The following NRXN3 variants were observed in gnomAD, a reference collection of about 807,000 sequenced individuals.
The protein encoded by NRXN3 is neurexin III.
A neutral mutation model predicts 137.6 loss-of-function variants in NRXN3; 32 were observed. The ratio of observed to expected loss-of-function variants is 0.23; its 90% CI spans 0.18 to 0.31. The LOEUF (loss-of-function observed/expected upper bound fraction) is 0.31. Ranked by LOEUF, NRXN3 falls within the 10% of genes least tolerant of loss-of-function variation. The probability of loss-of-function intolerance (pLI) is 1.00; values close to 1 mark genes in which losing one functional copy is unlikely to be tolerated. For missense variants in NRXN3, 1,574 were observed against 2,062.5 expected (o/e 0.76, Z 4.59); for synonymous variants, 798 against 784.5 (o/e 1.02, Z -0.29).
At chr14:78,526,051 T>A (rs1366403370) in intron 4 of NRXN3, among the ~76,000 whole-genome samples, 2 of 152,176 alleles carry the variant, frequency 1.3e-5, no homozygotes, top group Non-Finnish European at 2.9e-5. Context: ...CACATGATTG[T>A]GGGTCTAGTG....
Position 78,243,248 on chromosome 14 carries a change from G to A in NRXN3, c.155G>A (p.Ser52Asn). 1 of 1,557,080 alleles carries A rather than the reference G, an allele frequency of 6.4e-7. No homozygotes were observed. The highest frequency in any genetic ancestry group is 8.6e-7 in the Non-Finnish European group (1 of 1,158,988). Residue 52 changes from serine to asparagine, a missense_variant, in exon 2 of 21, where the codon AGT becomes AAT. Physicochemically the swap from Ser to Asn is conservative, Grantham distance 46. Coordinates refer to ENST00000335750, the MANE Select transcript of NRXN3 (RefSeq NM_001330195.2). This position sits in a 1 kb window ranked among gnomAD's most constrained non-coding sequence, Gnocchi z 4.2. ...GATGCCAGCACACGCAGTGACCTGA[G>A]TTTCCAGTTCAAGACCAACGTCTCT... Reference protein sequence around the residue: ...RWDASTRSDLSFQFKTNVSTG... With the variant: ...RWDASTRSDLNFQFKTNVSTG...
intron 4 of NRXN3, among the ~76,000 whole-genome samples, chr14:78,492,970 A>T (rs1390669792): frequency 6.6e-6 from 1 of 152,160 alleles, no homozygotes; most frequent in African/African-American, 2.4e-5. Flanking sequence ...TTACATTTTT[A>T]ACCCTCTGAT....
At position 78,709,479 on chromosome 14, in the gene NRXN3, A is replaced by G; in HGVS notation, c.1484A>G (p.Lys495Arg). Residue 495 changes from lysine to arginine, a missense_variant, in exon 7 of 21, where the codon AAG (lysine) becomes AGG (arginine). Transcript: ENST00000335750. ...ACTCATGGAAAGCCCCAAGAGAGGA[A>G]GGATGCTCGGAGCCAGAAGAATACA... is the stretch of plus-strand genomic sequence containing the variant. ...LFTHGKPQER[K>R]DARSQKNTKV... is the part of the protein sequence containing the mutation. The G allele has an allele frequency of 6.2e-7, 1 of 1,614,168 alleles. No individual in the cohort carries two copies. Among genetic ancestry groups the G allele is most frequent in the Non-Finnish European group, 8.5e-7 (1 of 1,180,022 alleles).
intron 20 of NRXN3, among the ~76,000 whole-genome samples, chr14:79,845,688 C>G (rs865958353): frequency 1.7e-3 from 111 of 64,802 alleles, no homozygotes; most frequent in African/African-American, 9.9e-3. Context: ...GGGAGAGAGA[C>G]GGAGACGGGG....
At position 79,367,382 on chromosome 14, in the gene NRXN3, A is replaced by G. The variant is rs566911848; in HGVS notation, c.3263-99839A>G. ...TGGCAGGCTGAAGCTTATGTAGCAC[A>G]TATTTGACCTTCACATTTTATTAAG... On this transcript the variant is annotated intron_variant, in intron 15 of 20. Coordinates refer to ENST00000335750, the MANE Select transcript of NRXN3 (RefSeq NM_001330195.2). Among the ~76,000 whole-genome samples the G allele has an allele frequency of 1.7e-4, 26 of 152,356 alleles. No individual in the cohort carries two copies. The East Asian group carries it at 4.8e-3, about 28-fold the overall frequency.
intron 15 of NRXN3, among the ~76,000 whole-genome samples, chr14:79,197,974 A>C (rs1047272936): frequency 7.2e-5 from 11 of 152,222 alleles, no homozygotes; most frequent in East Asian, 1.9e-4. Context: ...CACCAGGAGT[A>C]GATTCCATCT....
intron 15 of NRXN3, among the ~76,000 whole-genome samples, chr14:79,359,570 CTTTT>C (rs61025850): frequency 5.7e-5 from 6 of 105,512 alleles, no homozygotes; most frequent in Non-Finnish European, 7.9e-5. Flanking sequence ...AACATTTAGT[CTTTT>C]TTTTTTTTTT....
intron 4 of NRXN3, among the ~76,000 whole-genome samples, chr14:78,598,439 C>T (rs1056766809): frequency 4.6e-5 from 7 of 151,910 alleles, no homozygotes; most frequent in African/African-American, 1.7e-4. Context: ...ATCTGTAACA[C>T]AGAGGGCCTG....
chr14:79,220,259 T>C (rs1033276283), intron 15 of NRXN3, among the ~76,000 whole-genome samples: 8 of 152,192 alleles, frequency 5.3e-5, no homozygotes, highest in African/African-American at 1.9e-4. Flanking sequence ...AATATTTTGT[T>C]TACTATGGTT....
At chr14:79,233,317 C>T (rs1173119576) in intron 15 of NRXN3, among the ~76,000 whole-genome samples, 2 of 152,120 alleles carry the variant, frequency 1.3e-5, no homozygotes, top group Non-Finnish European at 2.9e-5. Context: ...CTGTGCGCAA[C>T]GTGCTGAATA....
At chr14:79,510,882 C>T (rs987831076) in intron 16 of NRXN3, among the ~76,000 whole-genome samples, 1 of 152,080 alleles carries the variant, frequency 6.6e-6, no homozygotes, top group Non-Finnish European at 1.5e-5. Context: ...CCAGCTCAAG[C>T]AGGGAGAGGG....
chr14:79,776,607 G>C (rs997366759), intron 19 of NRXN3, among the ~76,000 whole-genome samples: 1 of 152,190 alleles, frequency 6.6e-6, no homozygotes, highest in African/African-American at 2.4e-5. Context: ...GCACTTCTCT[G>C]ACGTAGAGGA....
chr14:78,432,263 A>G (rs752512777), intron 4 of NRXN3, among the ~76,000 whole-genome samples: 18 of 150,760 alleles, frequency 1.2e-4, no homozygotes, highest in Non-Finnish European at 2.2e-4. Context: ...TAGTGTGTGT[A>G]TGGCTTGCCA....
At chr14:79,163,594 T>C (rs1395300688) in intron 15 of NRXN3, among the ~76,000 whole-genome samples, 1 of 151,980 alleles carries the variant, frequency 6.6e-6, no homozygotes. Flanking sequence ...CTTGATATAC[T>C]CTGTTTACCC....
intron 15 of NRXN3, among the ~76,000 whole-genome samples, chr14:79,220,895 C>A (rs2069488301): frequency 6.6e-6 from 1 of 152,000 alleles, no homozygotes; most frequent in African/African-American, 2.4e-5. Flanking sequence ...CTAATGCTAT[C>A]CCTCCCCTAG....
At chr14:79,635,430 G>C (rs1040684676) in intron 16 of NRXN3, among the ~76,000 whole-genome samples, 1 of 152,182 alleles carries the variant, frequency 6.6e-6, no homozygotes, top group Non-Finnish European at 1.5e-5. Context: ...GTGGGAATGG[G>C]GTTCACCAAA....
At chr14:78,457,245 G>A (rs2094769628) in intron 4 of NRXN3, among the ~76,000 whole-genome samples, 1 of 152,068 alleles carries the variant, frequency 6.6e-6, no homozygotes, top group Admixed American at 6.6e-5. Context: ...TGCCATGTTG[G>A]CCAGGCTGGT....
chr14:79,531,568 A>T (rs916313322), intron 16 of NRXN3, among the ~76,000 whole-genome samples: 1 of 152,198 alleles, frequency 6.6e-6, no homozygotes, highest in Non-Finnish European at 1.5e-5. Context: ...AGAAAATGTT[A>T]TGTTCAGGTT....
At chr14:79,739,109 T>TTTTC (rs2098951901) in intron 19 of NRXN3, among the ~76,000 whole-genome samples, 1 of 152,238 alleles carries the variant, frequency 6.6e-6, no homozygotes, top group African/African-American at 2.4e-5. Context: ...TCTTAAGCTC[T>TTTTC]TTTCTTTACA....
Sources: gnomAD v4.1 joint callset for allele counts (sites outside exome capture counted in the v4.1 genomes callset) on GRCh38, gnomAD v4.1.1 for gene constraint, Gnocchi (gnomAD v3.1) non-coding constraint, MANE v1.5 for transcripts, NCBI Gene and HGNC (gene_info 2026-07-23, HGNC 2026-07-21) for gene names.